Variants in BECN1 observed in about 807,000 individuals in gnomAD.
BECN1 encodes beclin 1.
A neutral mutation model predicts 60.1 loss-of-function variants in BECN1; 15 were observed. The ratio of observed to expected loss-of-function variants is 0.25; its 90% CI spans 0.17 to 0.38. BECN1 has a LOEUF of 0.38. Among genes scored for constraint, BECN1 ranks in the 10% least tolerant of loss-of-function variants. The probability of loss-of-function intolerance (pLI) is 1.00; values close to 1 mark genes in which losing one functional copy is unlikely to be tolerated. For missense variants in BECN1, 424 were observed against 548.2 expected, an observed-to-expected ratio of 0.77 and a Z score of 2.26; for synonymous variants, 179 against 201.8, an observed-to-expected ratio of 0.89 and a Z score of 0.96.
At position 42,822,107 on chromosome 17, in the gene BECN1, G is replaced by A. The variant is rs140184461; in HGVS notation, c.131-1266C>T. ...AGTCCCAGCTACTCAGGAGGCTGACGCAGGACAATCACTTGAACCCGGGAG... is the reference window on the plus strand; with the variant it reads ...AGTCCCAGCTACTCAGGAGGCTGACACAGGACAATCACTTGAACCCGGGAG... On this transcript the variant is annotated intron_variant, in intron 2 of 11. Coordinates refer to ENST00000590099, the MANE Select transcript of BECN1 (RefSeq NM_001313998.2). Among the ~76,000 whole-genome samples, 6 of 152,228 alleles carry A rather than the reference G, an allele frequency of 3.9e-5. No homozygotes were observed. In the East Asian group the frequency reaches 1.2e-3, roughly 29 times the overall value.
intron 3 of BECN1, among the ~76,000 whole-genome samples, chr17:42,819,983 C>T (rs2055228427): frequency 6.6e-6 from 1 of 152,182 alleles, no homozygotes; most frequent in Admixed American, 6.5e-5. Flanking sequence ...TGCCACAGTA[C>T]AAAGTAGAAA....
rs2055201688 is a variant in BECN1 at position 42,818,854 on chromosome 17, T to C, written c.284A>G (p.Asn95Ser). 3 of 1,614,036 alleles carry C rather than the reference T, an allele frequency of 1.9e-6. No individual in the cohort carries two copies. The highest frequency in any genetic ancestry group is 1.7e-5 in the Admixed American group (1 of 60,000). ...TGCCTCCCCAATCAGAGTGAAGCTG[T>C]TGGCACTTTCTGTGGACATCATCCT... ...PARMMSTESANSFTLIGEASD... is the reference protein window; with the variant it reads ...PARMMSTESASSFTLIGEASD... The change falls in exon 5 of 12, where the codon AAC becomes AGC. Residue 95 changes from asparagine (N) to serine (S), a missense_variant. Around this residue, in one of 3 missense-constraint regions of BECN1, gnomAD observed 96 missense variants for 125.6 expected, o/e 0.76. Coordinates refer to ENST00000590099, the MANE Select transcript of BECN1 (RefSeq NM_001313998.2).
At chr17:42,811,823 T>C in intron 10 of BECN1, 26 bp from the exon 11 acceptor site, 1 of 1,603,910 alleles carries the variant, frequency 6.2e-7, no homozygotes. Flanking sequence ...AAACTGGCTA[T>C]GGATCTGGCA....
intron 11 of BECN1, chr17:42,811,181 GAGGGT>G: frequency 2.6e-6 from 1 of 380,904 alleles, no homozygotes; most frequent in East Asian, 4.1e-5. Flanking sequence ...AGGGGTGAGT[GAGGGT>G]TACAGTACTT....
chr17:42,815,416 C>T (rs760801456), intron 8 of BECN1, among the ~76,000 whole-genome samples: 17 of 152,148 alleles, frequency 1.1e-4, no homozygotes, highest in Non-Finnish European at 2.4e-4. Context: ...ATGGCCTCCC[C>T]AAACTGGATC....
chr17:42,810,916 C>T lies in BECN1; in HGVS notation c.1197G>A (p.Glu399=), dbSNP rs756068130. 15 of 1,608,940 alleles carry T rather than the reference C, an allele frequency of 9.3e-6. 1 individual carries two copies. The South Asian group carries it at 1.3e-4, about 14-fold the overall frequency. Residue 399 remains glutamate (E), a synonymous_variant, in exon 12 of 12, where the codon GAG becomes GAA. Coordinates refer to ENST00000590099, the MANE Select transcript of BECN1 (RefSeq NM_001313998.2). ...CTCCTGTGTCTTCAATCTTGCCTTT[C>T]TCCACATCCATCCTGCAGATGGACA... The part of the protein sequence containing the change: ...RFCLPYRMDV[E]KGKIEDTGGS...
intron 7 of BECN1, 102 bp from the exon 8 acceptor site, chr17:42,816,156 A>G: frequency 8.1e-7 from 1 of 1,227,632 alleles, no homozygotes; most frequent in South Asian, 1.5e-5. Flanking sequence ...CGTTACATCT[A>G]GCTCTCGCAT....
rs747903095 is a variant in BECN1, at chr17:42,811,740, G to A, written c.1099C>T (p.His367Tyr). 2 of 1,614,118 alleles carry A rather than the reference G, an allele frequency of 1.2e-6. No homozygotes were observed. The highest frequency in any genetic ancestry group is 2.2e-5 in the South Asian group (2 of 91,076). Residue 367 changes from histidine to tyrosine, a missense_variant, in exon 11 of 12, where the codon CAT (histidine) becomes TAT (tyrosine). Physicochemically the swap from His to Tyr is moderately conservative, Grantham distance 83. Transcript: ENST00000590099. The stretch of plus-strand genomic sequence containing the variant: ...CAGTCCAGGAAAGCCACCATTGCAT[G>A]GTCAAACTTGTTGTCCCAGAAAAAC... ...LRFFWDNKFD[H>Y]AMVAFLDCVQ...
intron 11 of BECN1, 143 bp downstream of exon 11, chr17:42,811,512 T>C: frequency 1.9e-6 from 2 of 1,064,076 alleles, no homozygotes; most frequent in Non-Finnish European, 2.7e-6. Context: ...ACTGGGTCAG[T>C]CTCTGCCCAT....
At chr17:42,814,487 T>C (rs371785430) in intron 9 of BECN1, 37 bp downstream of exon 9, 1 of 1,612,890 alleles carries the variant, frequency 6.2e-7, no homozygotes, top group African/African-American at 1.3e-5. Flanking sequence ...ATTATATCAA[T>C]GCACATCACT....
chr17:42,814,585 A>C lies in BECN1; in HGVS notation c.919T>G (p.Trp307Gly). The C allele has an allele frequency of 6.2e-7, 1 of 1,614,188 alleles. No homozygotes were observed. Among genetic ancestry groups the C allele is most frequent in the Non-Finnish European group, 8.5e-7 (1 of 1,180,022 alleles). Residue 307 changes from tryptophan (W) to glycine (G), a missense_variant, in exon 9 of 12, where the codon TGG (tryptophan) becomes GGG (glycine). This residue lies in a region of BECN1 where 326 missense variants were observed against 406.2 expected (regional missense o/e 0.80). Transcript: ENST00000590099. ...TGGAGCAGCAACACAGTCTGGCCCC[A>C]AGCAGCATTAATCTCATTCCATTCC... The part of the protein sequence containing the change: ...PVEWNEINAA[W>G]GQTVLLLHAL...
intron 3 of BECN1, 136 bp downstream of exon 3, chr17:42,820,638 G>A (rs2055243101): frequency 2.6e-6 from 2 of 765,368 alleles, no homozygotes. Flanking sequence ...ATTACCCAGA[G>A]ATCCCAAAAG....
intron 11 of BECN1, 100 bp downstream of exon 11, chr17:42,811,555 T>C (rs1367637043): frequency 6.7e-7 from 1 of 1,488,242 alleles, no homozygotes; most frequent in African/African-American, 1.4e-5. Flanking sequence ...ATTTTTTTGC[T>C]TTCCCACCAT....
intron 2 of BECN1, 78 bp from the exon 3 acceptor site, chr17:42,820,919 T>C: frequency 7.6e-7 from 1 of 1,315,164 alleles, no homozygotes; most frequent in Non-Finnish European, 1.1e-6. Context: ...GAAAAGAATG[T>C]GAAATATTCT....
chr17:42,815,780 T>A, intron 8 of BECN1, 128 bp downstream of exon 8: 5 of 1,245,248 alleles, frequency 4.0e-6, no homozygotes, highest in Non-Finnish European at 5.8e-6. Context: ...TCACTATGAA[T>A]GAAAGAAACC....
At chr17:42,823,572 C>A in intron 2 of BECN1, 176 bp downstream of exon 2, 1 of 971,408 alleles carries the variant, frequency 1.0e-6, no homozygotes, top group Non-Finnish European at 1.4e-6. Context: ...CTCAGAAGTC[C>A]ACAATGTCAG....
Position 42,810,645 on chromosome 17 carries a change from T to C in BECN1, c.*115A>G. The C allele has an allele frequency of 8.7e-7, 1 of 1,155,356 alleles. No homozygotes were observed. Among genetic ancestry groups the C allele is most frequent in the South Asian group, 2.1e-5 (1 of 48,762 alleles). The allele number at this position is 1,155,356 out of a possible 1,614,324, so 71.6% of individuals were successfully genotyped here. A position where few individuals can be genotyped will look rare whatever the true frequency, so the allele number is the denominator to read the frequency against. ...AAAGTGGCTTTTGTGGATTTTTTCT[T>C]TTTTGGTATTGTAAACATGTACTGT... On this transcript the variant is annotated 3_prime_UTR_variant, in exon 12 of 12. Transcript: ENST00000590099.
At chr17:42,815,540 C>G (rs1164599028) in intron 8 of BECN1, 4 of 225,394 alleles carry the variant, frequency 1.8e-5, no homozygotes, top group Non-Finnish European at 3.5e-5. Flanking sequence ...AGAAGGTTGA[C>G]TGCATACTGT....
chr17:42,814,424 G>C, intron 9 of BECN1, 100 bp downstream of exon 9: 1 of 1,504,748 alleles, frequency 6.6e-7, no homozygotes, highest in East Asian at 2.3e-5. Flanking sequence ...CCCAGTCTGT[G>C]GGCAGCAAGG....
Sources: allele counts gnomAD v4.1 joint callset (sites outside exome capture counted in the v4.1 genomes callset), GRCh38; gene constraint gnomAD v4.1.1; regional missense constraint gnomAD v4.1.1; transcripts MANE v1.5; gene names NCBI Gene and HGNC (gene_info 2026-07-23, HGNC 2026-07-21).